The following RALYL variants were observed in gnomAD, a reference collection of about 807,000 sequenced individuals.
RALYL encodes the protein RALY RNA binding protein like.
Under a neutral mutation model 35.1 loss-of-function variants are expected in RALYL, and 29 were observed. The observed-to-expected ratio is 0.83, with a 90% confidence interval of 0.61 to 1.13. The LOEUF is 1.13. Ranked by LOEUF, RALYL falls within the 50% of genes most tolerant of loss-of-function variation. RALYL has a pLI of 0.00. For missense variants in RALYL, 359 were observed against 360.4 expected (o/e 1.00, Z 0.03); for synonymous variants, 120 against 127.6 (o/e 0.94, Z 0.40).
intron 4 of RALYL, among the ~76,000 whole-genome samples, chr8:84,847,896 C>T (rs1834996880): frequency 6.6e-6 from 1 of 152,168 alleles, no homozygotes. Flanking sequence ...ACTTTACCTT[C>T]ATGGATTAGG....
chr8:84,636,378 CATAGA>C (rs1825059400), intron 2 of RALYL, among the ~76,000 whole-genome samples: 1 of 151,770 alleles, frequency 6.6e-6, no homozygotes, highest in Non-Finnish European at 1.5e-5. Context: ...GCTTTAGTAT[CATAGA>C]ATAGAGTAAT....
chr8:84,745,018 A>G (rs1302810674), intron 2 of RALYL, among the ~76,000 whole-genome samples: 1 of 151,836 alleles, frequency 6.6e-6, no homozygotes, highest in Non-Finnish European at 1.5e-5. Context: ...ACTCACCTCC[A>G]TGAACCCAGC....
At chr8:84,620,384 A>T (rs1588566125) in intron 2 of RALYL, among the ~76,000 whole-genome samples, 1 of 152,036 alleles carries the variant, frequency 6.6e-6, no homozygotes, top group Admixed American at 6.5e-5. Flanking sequence ...AGTTGATCGC[A>T]TCGGCTCCTG....
Position 84,771,387 on chromosome 8 carries a change from G to T in RALYL, c.257-3192G>T, listed in dbSNP as rs564370671. On this transcript the variant is annotated intron_variant, in intron 2 of 8. Transcript: ENST00000521268. ...TGAACAAACTTGTATATACCGTATGGTACACATGTGTAAAAGGTTTTTTAA... is the reference window on the plus strand; with the variant it reads ...TGAACAAACTTGTATATACCGTATGTTACACATGTGTAAAAGGTTTTTTAA... Among the ~76,000 whole-genome samples, 6 of 152,108 alleles carry T rather than the reference G, an allele frequency of 3.9e-5. No individual in the cohort carries two copies. The South Asian group carries it at 1.2e-3, about 32-fold the overall frequency.
In RALYL at chr8:84,637,391, G is replaced by A. The variant is rs530229296; in HGVS notation, c.256+107814G>A. On this transcript the variant is annotated intron_variant, in intron 2 of 8. Transcript: ENST00000521268. ...GTGAATGCATCCAAGGTCAGGTGAC[G>A]TTTCCTAGAAGATTTTTATGCATTT... Among the ~76,000 whole-genome samples, 12 of 151,942 alleles carry A rather than the reference G, an allele frequency of 7.9e-5. No individual in the cohort carries two copies. The South Asian group carries it at 1.2e-3, about 16-fold the overall frequency.
chr8:84,270,372 G>T (rs914284196), intron 1 of RALYL, among the ~76,000 whole-genome samples: 1 of 152,072 alleles, frequency 6.6e-6, no homozygotes, highest in African/African-American at 2.4e-5. Context: ...ACAAGACAAA[G>T]GCAAATATAG....
chr8:84,526,468 G>A (rs1379071622), intron 1 of RALYL, among the ~76,000 whole-genome samples: 2 of 152,106 alleles, frequency 1.3e-5, no homozygotes, highest in Admixed American at 1.3e-4. Flanking sequence ...ACTCTGCACT[G>A]CTGCTGGTAG....
intron 2 of RALYL, among the ~76,000 whole-genome samples, chr8:84,533,695 G>T (rs190419380): frequency 6.6e-6 from 1 of 152,240 alleles, no homozygotes; most frequent in East Asian, 1.9e-4. Flanking sequence ...ATAAAGCAGA[G>T]AATTAAATTA....
chr8:84,403,031 G>T (rs1374162994), intron 1 of RALYL, among the ~76,000 whole-genome samples: 1 of 152,012 alleles, frequency 6.6e-6, no homozygotes, highest in Non-Finnish European at 1.5e-5. Context: ...TTATAAATTT[G>T]TTTAAGTTCC....
chr8:84,216,879 A>C (rs557093401), intron 1 of RALYL, among the ~76,000 whole-genome samples: 1 of 152,170 alleles, frequency 6.6e-6, no homozygotes, highest in African/African-American at 2.4e-5. Flanking sequence ...TTGTGCTGAC[A>C]TCATTTCCCT....
intron 2 of RALYL, among the ~76,000 whole-genome samples, chr8:84,766,429 C>A (rs1219694832): frequency 6.6e-6 from 1 of 151,754 alleles, no homozygotes; most frequent in Admixed American, 6.6e-5. Flanking sequence ...CGTGGTGGCT[C>A]ACACCTGTAA....
intron 1 of RALYL, among the ~76,000 whole-genome samples, chr8:84,427,371 ATT>A (rs1307028725): frequency 6.6e-6 from 1 of 152,178 alleles, no homozygotes. Flanking sequence ...GTGATTGGGA[ATT>A]TGGTAAAATG....
At chr8:84,588,680 C>A (rs191341365) in intron 2 of RALYL, among the ~76,000 whole-genome samples, 55 of 152,186 alleles carry the variant, frequency 3.6e-4, no homozygotes, top group African/African-American at 1.2e-3. Context: ...CCTGGAAAAA[C>A]CAAAAGAAAT....
chr8:84,221,432 A>G (rs1822185584), intron 1 of RALYL, among the ~76,000 whole-genome samples: 1 of 152,068 alleles, frequency 6.6e-6, no homozygotes, highest in Non-Finnish European at 1.5e-5. Context: ...AAGTCAGCAT[A>G]TCAGCATAGT....
intron 1 of RALYL, among the ~76,000 whole-genome samples, chr8:84,296,911 G>T (rs1241131766): frequency 6.6e-6 from 1 of 151,680 alleles, no homozygotes; most frequent in Non-Finnish European, 1.5e-5. Context: ...TTTTAATGAG[G>T]TAAATGTACG....
At chr8:84,887,495 C>A in intron 7 of RALYL, 109 bp from the exon 8 acceptor site, 1 of 897,504 alleles carries the variant, frequency 1.1e-6, no homozygotes, top group South Asian at 2.2e-5. Context: ...TTCTGTACAC[C>A]TTTAATAGCA....
intron 2 of RALYL, among the ~76,000 whole-genome samples, chr8:84,566,587 G>T (rs1369571926): frequency 6.6e-6 from 1 of 151,486 alleles, no homozygotes; most frequent in East Asian, 1.9e-4. Flanking sequence ...TGTCTGTTCA[G>T]AAATCATGCA....
intron 1 of RALYL, among the ~76,000 whole-genome samples, chr8:84,223,079 C>CTTCCTTTCCTTTCCT (rs1450176587): frequency 2.3e-5 from 3 of 133,004 alleles, no homozygotes; most frequent in African/African-American, 8.4e-5. Context: ...TCCCTTTGCC[C>CTTCCTTTCCTTTCCT]TGCCTTTCCT....
Position 84,367,334 on chromosome 8 carries a change from T to TAA in RALYL, c.-23-161965_-23-161964insAA, listed in dbSNP as rs1854631146. Among the ~76,000 whole-genome samples, 7 of 40,626 alleles carry TAA rather than the reference T, an allele frequency of 1.7e-4. 1 individual carries two copies. Among genetic ancestry groups the TAA allele is most frequent in the Non-Finnish European group, 2.6e-4 (6 of 23,128 alleles). The allele number at this position is 40,626 out of a possible 152,430, so 26.7% of individuals were successfully genotyped here. ...AATTTTTGTATTTTTTTTTTTTTTT[T>TAA]TTTTTTTTTTTTTTTTTTTTTTTTT... On this transcript the variant is annotated intron_variant, in intron 1 of 8. Transcript: ENST00000521268.
Sources: gnomAD v4.1 joint callset for allele counts (sites outside exome capture counted in the v4.1 genomes callset) on GRCh38, gnomAD v4.1.1 for gene constraint, MANE v1.5 for transcripts, NCBI Gene and HGNC (gene_info 2026-07-23, HGNC 2026-07-21) for gene names.